Variants in SPATA13 observed in about 807,000 individuals in gnomAD.
SPATA13 encodes the protein spermatogenesis associated 13.
SPATA13 carries 50 observed loss-of-function variants against 104.0 expected under a neutral mutation model. The ratio of observed to expected loss-of-function variants is 0.48; its 90% CI spans 0.38 to 0.61. The LOEUF (loss-of-function observed/expected upper bound fraction) is 0.61. Among genes scored for constraint, SPATA13 ranks in the 20% least tolerant of loss-of-function variants. The pLI, the probability that SPATA13 is intolerant of heterozygous loss-of-function variation, is 0.00. For synonymous variants in SPATA13, 606 were observed against 667.5 expected, an observed-to-expected ratio of 0.91 and a Z score of 1.42; for missense variants, 1,524 against 1,690.6, an observed-to-expected ratio of 0.90 and a Z score of 1.73.
intron 3 of SPATA13, among the ~76,000 whole-genome samples, chr13:24,154,602 A>C (rs975783014): frequency 6.6e-6 from 1 of 152,174 alleles, no homozygotes; most frequent in Non-Finnish European, 1.5e-5. Flanking sequence ...TTAGTTTTCT[A>C]TGATGTGGAA....
rs745322388 is a variant in SPATA13 at position 24,198,288 on chromosome 13, G to C, written c.-111-24531G>C. ...GATTACAGGCGTGAGCCACCGCACC[G>C]AGCCACCTTGTTTTGTTTCCAGACT... On this transcript the variant is annotated intron_variant, in intron 1 of 12. Coordinates refer to ENST00000382108, the MANE Select transcript of SPATA13 (RefSeq NM_001166271.3). Among the ~76,000 whole-genome samples, 9 of 152,008 alleles carry C rather than the reference G, an allele frequency of 5.9e-5. 1 individual carries two copies. The highest frequency in any genetic ancestry group is 1.3e-4 in the Admixed American group (2 of 15,248).
At chr13:24,061,945 C>T (rs1184470775) in intron 3 of SPATA13, among the ~76,000 whole-genome samples, 1 of 151,774 alleles carries the variant, frequency 6.6e-6, no homozygotes, top group Admixed American at 6.5e-5. Context: ...CACCCAAAGC[C>T]ACACAGCTAG....
chr13:24,094,238 T>C (rs1485911835), intron 3 of SPATA13, among the ~76,000 whole-genome samples: 1 of 152,220 alleles, frequency 6.6e-6, no homozygotes, highest in African/African-American at 2.4e-5. Context: ...AGTGTGATCC[T>C]GAGGACTTTG....
chr13:24,208,005 A>G (rs1336195498), intron 1 of SPATA13, among the ~76,000 whole-genome samples: 1 of 152,224 alleles, frequency 6.6e-6, no homozygotes, highest in African/African-American at 2.4e-5. Flanking sequence ...ATGTGTAATT[A>G]GGAGTAATTT....
chr13:23,999,368 C>CAAAAAAAGAAA (rs1875843423), intron 2 of SPATA13, among the ~76,000 whole-genome samples: 1 of 94,364 alleles, frequency 1.1e-5, no homozygotes, highest in Non-Finnish European at 2.1e-5. Context: ...CATTTTCTAC[C>CAAAAAAAGAAA]AAAAAAAAAA....
At chr13:24,171,326 A>G (rs1384678949) in intron 1 of SPATA13, among the ~76,000 whole-genome samples, 1 of 152,170 alleles carries the variant, frequency 6.6e-6, no homozygotes, top group Non-Finnish European at 1.5e-5. Context: ...CCCTTGTCTC[A>G]GAACATGCGG....
chr13:24,224,466 C>A lies in SPATA13; in HGVS notation c.1537C>A (p.Pro513Thr), dbSNP rs916870870. The A allele has an allele frequency of 1.3e-6, 2 of 1,551,256 alleles. No homozygotes were observed. The highest frequency in any genetic ancestry group is 3.9e-5 in the Admixed American group (2 of 50,984). ...GGCAGAAGAGCCTGCTCAGAGAGAG[C>A]CAGGGCCTGTGTCCTTGCAGGATCC... ...GRAEEPAQREPGPVSLQDPLE... is the reference protein window; with the variant it reads ...GRAEEPAQRETGPVSLQDPLE... The change falls in exon 2 of 13, where the codon CCA (proline) becomes ACA (threonine). Residue 513 changes from proline (P) to threonine (T), a missense_variant. This residue lies in a region of SPATA13 where 1,089 missense variants were observed against 1,135.9 expected (regional missense o/e 0.96). Transcript: ENST00000382108.
upstream of SPATA13, among the ~76,000 whole-genome samples, chr13:24,157,693 A>C (rs144133880): frequency 3.4e-3 from 519 of 152,328 alleles, 3 homozygotes; most frequent in African/African-American, 0.012. Flanking sequence ...ATGAGGAGAA[A>C]GGAGTTTCCT....
chr13:24,224,093 C>T lies in SPATA13; in HGVS notation c.1164C>T (p.Thr388=), dbSNP rs970432743. The part of the protein sequence containing the change: ...AVMHGTTATC[T]VAPGFGSATS... ...TGCATGGGACCACTGCAACCTGCAC[C>T]GTGGCCCCCGGTTTCGGCTCAGCCA... is the stretch of plus-strand genomic sequence containing the variant. Residue 388 remains threonine, a synonymous_variant, in exon 2 of 13, where the codon ACC becomes ACT. Coordinates refer to ENST00000382108, the MANE Select transcript of SPATA13 (RefSeq NM_001166271.3). 18 of 1,551,236 alleles carry T rather than the reference C, an allele frequency of 1.2e-5. No homozygotes were observed. The highest frequency in any genetic ancestry group is 9.6e-5 in the African/African-American group (7 of 73,054).
chr13:24,255,303 G>A (rs370414193), intron 4 of SPATA13, among the ~76,000 whole-genome samples: 2 of 152,224 alleles, frequency 1.3e-5, no homozygotes, highest in East Asian at 3.9e-4. Context: ...TCCATCAAGA[G>A]GCCTGAGTCT....
At chr13:24,126,029 G>A (rs1039921855) in intron 3 of SPATA13, among the ~76,000 whole-genome samples, 3 of 152,324 alleles carry the variant, frequency 2.0e-5, no homozygotes, top group Non-Finnish European at 2.9e-5. Flanking sequence ...GAGCAGGGGA[G>A]CCAGGAGCCC....
At chr13:24,253,410 G>A (rs1873612770) in intron 4 of SPATA13, among the ~76,000 whole-genome samples, 1 of 152,130 alleles carries the variant, frequency 6.6e-6, no homozygotes, top group Non-Finnish European at 1.5e-5. Flanking sequence ...TCCAAGTCTA[G>A]GACCTCTTAG....
chr13:24,191,181 G>A (rs1392609484), intron 1 of SPATA13, among the ~76,000 whole-genome samples: 2 of 152,026 alleles, frequency 1.3e-5, no homozygotes, highest in South Asian at 4.2e-4. Context: ...TCTCGATATT[G>A]CCTAGGCTGG....
chr13:24,103,503 C>G (rs11616414), intron 3 of SPATA13, among the ~76,000 whole-genome samples: 1 of 99,566 alleles, frequency 1.0e-5, no homozygotes, highest in African/African-American at 3.9e-5. Flanking sequence ...AAAAAAAAAA[C>G]AAGAAAGAAA....
chr13:24,278,623 A>G (rs928507743), intron 4 of SPATA13: 42 of 1,466,234 alleles, frequency 2.9e-5, no homozygotes, highest in Non-Finnish European at 3.7e-5. Flanking sequence ...GGGTGCTTTC[A>G]TGTATCATCA....
chr13:24,037,550 GGTGT>G lies in SPATA13; in HGVS notation c.-112+19851_-112+19854del, dbSNP rs10557876. 4.0e-5 allele frequency among the ~76,000 whole-genome samples: 6 copies of G among 151,634 alleles called. No individual in the cohort carries two copies. In the South Asian group the frequency reaches 6.3e-4, roughly 16 times the overall value. The stretch of plus-strand genomic sequence containing the variant: ...AGCCTCCTGAGTAGCTGGGACTACA[GGTGT>G]GCACACCACCACACCTGGCTAATTT... On this transcript the variant is annotated intron_variant, in intron 3 of 14. Transcript: ENST00000424834.
In SPATA13 at chr13:24,040,730, G is replaced by A. The variant is rs74808553; in HGVS notation, c.-112+23029G>A. 3.9e-3 allele frequency among the ~76,000 whole-genome samples: 592 copies of A among 152,302 alleles called. 8 individuals carry two copies. The highest frequency in any genetic ancestry group is 0.013 in the African/African-American group (528 of 41,554). ...ATTGTACCAATTGAAAGGGGGAAAAGGGTCGCTTCAAGGCACCCCAACTTT... is the reference window on the plus strand; with the variant it reads ...ATTGTACCAATTGAAAGGGGGAAAAAGGTCGCTTCAAGGCACCCCAACTTT... On this transcript the variant is annotated intron_variant, in intron 3 of 14. Coordinates refer to the SPATA13 transcript ENST00000424834.
intron 4 of SPATA13, among the ~76,000 whole-genome samples, chr13:24,257,887 A>G (rs142582108): frequency 0.011 from 1,729 of 152,314 alleles, 27 homozygotes; most frequent in African/African-American, 0.039. Flanking sequence ...CCCAAATTTT[A>G]TGCCAACCAG....
At position 24,047,434 on chromosome 13, in the gene SPATA13, G is replaced by A. The variant is rs78117675; in HGVS notation, c.-112+29733G>A. Among the ~76,000 whole-genome samples, 963 of 152,256 alleles carry A rather than the reference G, an allele frequency of 6.3e-3. 34 individuals are homozygous for A. The East Asian group carries it at 0.11, about 17-fold the overall frequency. ...GCATTCATTTTACAAAGGCAGTTTC[G>A]GTCCCTGAGCAAGGAGGGAGTTAGT... On this transcript the variant is annotated intron_variant, in intron 3 of 14. Coordinates refer to the SPATA13 transcript ENST00000424834.
Sources: gnomAD v4.1 joint callset for allele counts (sites outside exome capture counted in the v4.1 genomes callset) on GRCh38, gnomAD v4.1.1 for gene constraint, gnomAD v4.1.1 regional missense constraint, MANE v1.5 for transcripts, NCBI Gene and HGNC (gene_info 2026-07-23, HGNC 2026-07-21) for gene names.